MACROD2: variants seen among roughly 807,000 people sequenced by gnomAD.
MACROD2 encodes the protein ADP-ribose glycohydrolase MACROD2.
A neutral mutation model predicts 70.4 loss-of-function variants in MACROD2; 36 were observed. That is an observed-to-expected ratio of 0.51 (90% CI 0.39 to 0.68). The LOEUF is 0.68. Among genes scored for constraint, MACROD2 ranks in the 30% least tolerant of loss-of-function variants. MACROD2 has a pLI of 0.00. For missense variants in MACROD2, 496 were observed against 538.4 expected (o/e 0.92, Z 0.78); for synonymous variants, 172 against 178.8 (o/e 0.96, Z 0.30).
intron 6 of MACROD2, among the ~76,000 whole-genome samples, chr20:15,377,122 C>A (rs2045573765): frequency 6.6e-6 from 1 of 152,130 alleles, no homozygotes; most frequent in African/African-American, 2.4e-5. Flanking sequence ...GATCTCCTGA[C>A]CTCGTGATCC....
intron 8 of MACROD2, among the ~76,000 whole-genome samples, chr20:15,798,227 T>C (rs73246149): frequency 0.071 from 10,800 of 152,226 alleles, 954 homozygotes; most frequent in African/African-American, 0.21. Flanking sequence ...GGGATGACTC[T>C]TCCCTGTCCC....
chr20:15,335,089 A>G (rs1431779912), intron 6 of MACROD2, among the ~76,000 whole-genome samples: 8 of 151,778 alleles, frequency 5.3e-5, no homozygotes, highest in African/African-American at 1.9e-4. Flanking sequence ...CAGCAGGGAA[A>G]ATCAAGATTG....
chr20:15,559,008 C>CA (rs1183204370), intron 8 of MACROD2, among the ~76,000 whole-genome samples: 7 of 151,934 alleles, frequency 4.6e-5, no homozygotes, highest in Non-Finnish European at 1.0e-4. Flanking sequence ...ACGGGCGGAT[C>CA]ACGAGGTCAG....
At chr20:14,619,007 A>T (rs1021870601) in intron 4 of MACROD2, among the ~76,000 whole-genome samples, 8 of 152,134 alleles carry the variant, frequency 5.3e-5, no homozygotes, top group African/African-American at 1.9e-4. Flanking sequence ...GTAAAGTGCT[A>T]AGTGTATCAT....
intron 12 of MACROD2, among the ~76,000 whole-genome samples, chr20:15,954,199 C>G (rs1601204849): frequency 6.6e-6 from 1 of 152,262 alleles, no homozygotes; most frequent in South Asian, 2.1e-4. Context: ...CCAGCACACT[C>G]CTTCTTGAAT....
At chr20:14,483,431 A>G (rs1214215306) in intron 3 of MACROD2, among the ~76,000 whole-genome samples, 1 of 150,924 alleles carries the variant, frequency 6.6e-6, no homozygotes, top group Non-Finnish European at 1.5e-5. Context: ...TTTGAGACGG[A>G]GTTTCGCTCC....
intron 2 of MACROD2, among the ~76,000 whole-genome samples, chr20:14,062,567 G>A (rs1291072731): frequency 6.6e-6 from 1 of 152,144 alleles, no homozygotes; most frequent in Non-Finnish European, 1.5e-5. Context: ...CATTTGATGA[G>A]ATCAAGGTGG....
intron 8 of MACROD2, among the ~76,000 whole-genome samples, chr20:15,680,697 A>C (rs1478059844): frequency 6.6e-6 from 1 of 152,152 alleles, no homozygotes; most frequent in Non-Finnish European, 1.5e-5. Context: ...ATTTTATCAG[A>C]GTTGTTTTCA....
intron 3 of MACROD2, among the ~76,000 whole-genome samples, chr20:14,357,127 T>A (rs2083179822): frequency 1.3e-5 from 2 of 152,184 alleles, no homozygotes; most frequent in South Asian, 4.1e-4. Flanking sequence ...TCCCTGTCTA[T>A]GTGAGGAGTG....
chr20:14,059,683 A>G (rs1277660179), intron 2 of MACROD2, among the ~76,000 whole-genome samples: 1 of 152,218 alleles, frequency 6.6e-6, no homozygotes, highest in African/African-American at 2.4e-5. Flanking sequence ...ACATTTATTC[A>G]ATATTACTGA....
intron 3 of MACROD2, among the ~76,000 whole-genome samples, chr20:14,094,585 C>T (rs2054197489): frequency 6.6e-6 from 1 of 152,134 alleles, no homozygotes; most frequent in African/African-American, 2.4e-5. Context: ...TTTCCTTTAG[C>T]TTCAGTGACA....
intron 3 of MACROD2, among the ~76,000 whole-genome samples, chr20:14,363,140 C>T (rs562323137): frequency 3.2e-4 from 48 of 152,176 alleles, no homozygotes; most frequent in Non-Finnish European, 5.9e-4. Context: ...CTAACTCTCA[C>T]TCTATATTTT....
intron 4 of MACROD2, among the ~76,000 whole-genome samples, chr20:14,571,372 G>A (rs754901818): frequency 2.6e-5 from 4 of 151,988 alleles, no homozygotes; most frequent in Non-Finnish European, 5.9e-5. Context: ...ATTTTTGAAA[G>A]TCATGAAGTC....
intron 8 of MACROD2, among the ~76,000 whole-genome samples, chr20:15,647,722 A>T (rs1354507851): frequency 7.0e-6 from 1 of 142,466 alleles, no homozygotes; most frequent in Non-Finnish European, 1.5e-5. Flanking sequence ...ACAATAGATG[A>T]TTTTTTTTTT....
At chr20:15,223,381 T>C (rs2076878262) in intron 5 of MACROD2, among the ~76,000 whole-genome samples, 1 of 152,202 alleles carries the variant, frequency 6.6e-6, no homozygotes, top group South Asian at 2.1e-4. Flanking sequence ...TCACCACTCA[T>C]AGGAAGTTAT....
chr20:16,027,263 T>G (rs1265935888), intron 15 of MACROD2, among the ~76,000 whole-genome samples: 4 of 13,438 alleles, frequency 3.0e-4, no homozygotes, highest in Non-Finnish European at 9.7e-4. Context: ...CTAATGCTTC[T>G]GTAAACCAGC....
intron 8 of MACROD2, among the ~76,000 whole-genome samples, chr20:15,684,544 A>C (rs1336364219): frequency 1.3e-5 from 2 of 152,200 alleles, no homozygotes; most frequent in East Asian, 3.8e-4. Flanking sequence ...CTCATTTAAA[A>C]TGGACATTTA....
intron 8 of MACROD2, among the ~76,000 whole-genome samples, chr20:15,529,065 G>T (rs2047760679): frequency 2.6e-5 from 4 of 152,138 alleles, no homozygotes; most frequent in Admixed American, 2.6e-4. Context: ...AAATTGGGAG[G>T]CCTGAGTCAG....
intron 3 of MACROD2, among the ~76,000 whole-genome samples, chr20:14,467,250 C>A (rs1437628459): frequency 6.6e-6 from 1 of 152,176 alleles, no homozygotes; most frequent in Non-Finnish European, 1.5e-5. Flanking sequence ...GCCCCTCCCC[C>A]CAGCCTCGCT....
Sources: gnomAD v4.1 joint callset for allele counts (sites outside exome capture counted in the v4.1 genomes callset) on GRCh38, gnomAD v4.1.1 for gene constraint, MANE v1.5 for transcripts, NCBI Gene and HGNC (gene_info 2026-07-23, HGNC 2026-07-21) for gene names.